FBXO10: variants seen among roughly 807,000 people sequenced by gnomAD.
FBXO10 encodes the protein F-box protein 10, also known as F-box only protein 10.
FBXO10 carries 39 observed loss-of-function variants against 80.7 expected under a neutral mutation model. The observed-to-expected ratio is 0.48, with a 90% CI of 0.37 to 0.63. The LOEUF is 0.63. Ranked by LOEUF, FBXO10 falls within the 30% of genes least tolerant of loss-of-function variation. The probability of loss-of-function intolerance (pLI) is 0.00; values close to 1 mark genes in which losing one functional copy is unlikely to be tolerated. For missense variants in FBXO10, 1,025 were observed against 1,269.0 expected (o/e 0.81, Z 2.92); for synonymous variants, 449 against 489.6 (o/e 0.92, Z 1.09).
intron 3 of FBXO10, among the ~76,000 whole-genome samples, chr9:37,534,360 A>G (rs1821702610): frequency 6.6e-6 from 1 of 152,206 alleles, no homozygotes; most frequent in Admixed American, 6.5e-5. Flanking sequence ...ACAACCGGCT[A>G]GCCTGAATGC....
At chr9:37,551,145 A>T (rs964440894) in intron 1 of FBXO10, among the ~76,000 whole-genome samples, 1 of 152,328 alleles carries the variant, frequency 6.6e-6, no homozygotes, top group Admixed American at 6.5e-5. Context: ...AGCAAACAAC[A>T]CTAAATCTTA....
Position 37,537,535 on chromosome 9 carries a change from T to C in FBXO10, c.994A>G (p.Lys332Glu), listed in dbSNP as rs202075653. The change falls in exon 3 of 11, where the codon AAG (lysine) becomes GAG (glutamate). Residue 332 changes from lysine (K) to glutamate (E), a missense_variant. By Grantham distance (56) the Lys-to-Glu change is moderately conservative. Around this residue, in one of 3 missense-constraint regions of FBXO10, gnomAD observed 450 missense variants for 499.4 expected, o/e 0.90. Transcript: ENST00000432825. ...ACCTCTGCCTCCTGTGAGCCAGCCT[T>C]GGAGCCTGGCTTTGGGGAGCTAGAG... ...PASSSPKPGS[K>E]AGSQEAEVGS... is the part of the protein sequence containing the mutation. 151 of 1,613,026 alleles carry C rather than the reference T, an allele frequency of 9.4e-5. No homozygotes were observed. The highest frequency in any genetic ancestry group is 1.2e-4 in the Non-Finnish European group (145 of 1,179,562).
Position 37,537,677 on chromosome 9 carries a change from G to C in FBXO10, c.852C>G (p.Leu284=). ...TTAAAAAGTCAGAGTCCTCTGTGGG[G>C]AGAAAAGTGGGTGAGGACTTGATAA... ...LGLIKSSPTF[L]PTEDSDFLMS... is the part of the protein sequence containing the mutation. Residue 284 remains leucine, a synonymous_variant, in exon 3 of 11, where the codon CTC becomes CTG. Coordinates refer to ENST00000432825, the MANE Select transcript of FBXO10 (RefSeq NM_012166.3). The C allele has an allele frequency of 6.2e-7, 1 of 1,614,024 alleles. No individual in the cohort carries two copies. The highest frequency in any genetic ancestry group is 1.1e-5 in the South Asian group (1 of 91,084).
chr9:37,521,804 G>A lies in FBXO10; in HGVS notation c.1965C>T (p.Ser655=), dbSNP rs61757390. The A allele has an allele frequency of 1.2e-3, 1,937 of 1,602,874 alleles. 24 individuals carry two copies. In the African/African-American group the frequency reaches 0.023, roughly 19 times the overall value. ...GGTTGCTGGTGACATGGGGGAGGCT[G>A]GACGACATCATCCACACACCACAGC... is the stretch of plus-strand genomic sequence containing the variant. ...NKGCGVWMMS[S]SLPHVTSNHV... is the part of the protein sequence containing the mutation. The change falls in exon 8 of 11, where the codon TCC becomes TCT. Residue 655 remains serine, a synonymous_variant. Coordinates refer to ENST00000432825, the MANE Select transcript of FBXO10 (RefSeq NM_012166.3).
rs529387465 is a variant in FBXO10 at position 37,517,855 on chromosome 9, C to T, written c.2514+270G>A. Reference sequence around the variant, plus strand: ...TGACCCGGAGACCATGAAGATAACTCGGGAGGCTCCCAACACCATGACAAG... The same window carrying T: ...TGACCCGGAGACCATGAAGATAACTTGGGAGGCTCCCAACACCATGACAAG... On this transcript the variant is annotated intron_variant, in intron 9 of 10. Transcript: ENST00000432825. Among the ~76,000 whole-genome samples, 8 of 152,296 alleles carry T rather than the reference C, an allele frequency of 5.3e-5. No homozygotes were observed. The South Asian group carries it at 1.0e-3, about 20-fold the overall frequency.
intron 1 of FBXO10, among the ~76,000 whole-genome samples, chr9:37,561,879 G>A (rs1822493207): frequency 6.6e-6 from 1 of 152,234 alleles, no homozygotes; most frequent in Non-Finnish European, 1.5e-5. Flanking sequence ...AGTGACATTT[G>A]AATAGAGACC....
intron 1 of FBXO10, among the ~76,000 whole-genome samples, chr9:37,550,584 G>A (rs576410840): frequency 6.6e-6 from 1 of 151,258 alleles, no homozygotes; most frequent in Non-Finnish European, 1.5e-5. Context: ...AGGTTCAAGC[G>A]ATTCTCTGCC....
At chr9:37,551,684 A>AGGTCT (rs74171512) in intron 1 of FBXO10, among the ~76,000 whole-genome samples, 38,129 of 152,050 alleles carry the variant, frequency 0.25, 4,983 homozygotes, top group Middle Eastern at 0.32. Flanking sequence ...CTAGCATTGA[A>AGGTCT]GTGACGGCAC....
Position 37,521,808 on chromosome 9 carries a change from G to A in FBXO10, c.1961C>T (p.Ser654Leu), listed in dbSNP as rs1324394574. Residue 654 changes from serine to leucine, a missense_variant, in exon 8 of 11, where the codon TCG (serine) becomes TTG (leucine). Physicochemically the swap from Ser to Leu is moderately radical, Grantham distance 145. Around this residue, in one of 3 missense-constraint regions of FBXO10, gnomAD observed 478 missense variants for 667.8 expected, o/e 0.72. Transcript: ENST00000432825. ...GCTGGTGACATGGGGGAGGCTGGAC[G>A]ACATCATCCACACACCACAGCCCTT... ...ANKGCGVWMM[S>L]SSLPHVTSNH... 6 of 1,601,440 alleles carry A rather than the reference G, an allele frequency of 3.7e-6. No individual in the cohort carries two copies. Among genetic ancestry groups the A allele is most frequent in the South Asian group, 2.2e-5 (2 of 90,418 alleles).
chr9:37,555,984 C>T (rs1196516512), intron 1 of FBXO10, among the ~76,000 whole-genome samples: 3 of 152,064 alleles, frequency 2.0e-5, no homozygotes, highest in Non-Finnish European at 4.4e-5. Flanking sequence ...GTTCTATGAT[C>T]CATCATGAAT....
chr9:37,537,079 C>A (rs1287121847), intron 3 of FBXO10, 31 bp downstream of exon 3: 2 of 1,520,614 alleles, frequency 1.3e-6, no homozygotes, highest in African/African-American at 2.8e-5. Flanking sequence ...GCCACAGGAG[C>A]CCCCTGACCA....
intron 2 of FBXO10, among the ~76,000 whole-genome samples, chr9:37,538,937 G>A (rs1821849926): frequency 6.6e-6 from 1 of 152,116 alleles, no homozygotes; most frequent in Non-Finnish European, 1.5e-5. Flanking sequence ...GTGGGGATGG[G>A]GCAGTGCCAA....
intron 10 of FBXO10, among the ~76,000 whole-genome samples, chr9:37,513,885 C>T (rs1467869663): frequency 6.6e-6 from 1 of 152,174 alleles, no homozygotes; most frequent in Non-Finnish European, 1.5e-5. Flanking sequence ...CCACCGCACC[C>T]GGCCACGATT....
At chr9:37,542,109 G>A (rs1326209154) in intron 1 of FBXO10, among the ~76,000 whole-genome samples, 2 of 151,918 alleles carry the variant, frequency 1.3e-5, no homozygotes, top group African/African-American at 4.8e-5. Flanking sequence ...GATTACAGGC[G>A]TGAGCCACCA....
rs1280409466 is a variant in FBXO10 at position 37,518,239 on chromosome 9, A to G, written c.2400T>C (p.Tyr800=). ...TGATAATGCCGTGGCCTCTGTTGTCATAGATACCATTGCCCCGGAGCTCCA... is the reference window on the plus strand; with the variant it reads ...TGATAATGCCGTGGCCTCTGTTGTCGTAGATACCATTGCCCCGGAGCTCCA... ...CKVELRGNGI[Y]DNRGHGIITK... is the part of the protein sequence containing the mutation. The change falls in exon 9 of 11, where the codon TAT becomes TAC. Residue 800 remains tyrosine (Y), a synonymous_variant. Coordinates refer to ENST00000432825, the MANE Select transcript of FBXO10 (RefSeq NM_012166.3). The G allele has an allele frequency of 1.2e-6, 2 of 1,614,046 alleles. No individual in the cohort carries two copies. Among genetic ancestry groups the G allele is most frequent in the Non-Finnish European group, 1.7e-6 (2 of 1,179,902 alleles).
chr9:37,548,262 G>A (rs1376069183), intron 1 of FBXO10, among the ~76,000 whole-genome samples: 1 of 152,106 alleles, frequency 6.6e-6, no homozygotes, highest in African/African-American at 2.4e-5. Flanking sequence ...GTGTGCACCT[G>A]TAATCCCAGT....
chr9:37,558,039 C>T (rs1822380162), intron 1 of FBXO10, among the ~76,000 whole-genome samples: 1 of 152,192 alleles, frequency 6.6e-6, no homozygotes, highest in Admixed American at 6.6e-5. Flanking sequence ...TTCTCATCGT[C>T]CCCACAGGCT....
intron 1 of FBXO10, among the ~76,000 whole-genome samples, chr9:37,554,363 T>C (rs1447115291): frequency 6.6e-6 from 1 of 152,254 alleles, no homozygotes; most frequent in African/African-American, 2.4e-5. Context: ...TCATTCAGTG[T>C]AATTCGATGG....
At chr9:37,528,276 G>T (rs932632211) in intron 5 of FBXO10, among the ~76,000 whole-genome samples, 11 of 152,154 alleles carry the variant, frequency 7.2e-5, no homozygotes, top group Non-Finnish European at 1.5e-4. Flanking sequence ...GGCACAGATG[G>T]TCTGCCGCAA....
Sources: allele counts gnomAD v4.1 joint callset (sites outside exome capture counted in the v4.1 genomes callset), GRCh38; gene constraint gnomAD v4.1.1; regional missense constraint gnomAD v4.1.1; transcripts MANE v1.5; gene names NCBI Gene and HGNC (gene_info 2026-07-23, HGNC 2026-07-21).